The following ATF7IP variants were observed in gnomAD, a reference collection of about 807,000 sequenced individuals.
The protein encoded by ATF7IP is activating transcription factor 7 interacting protein.
ATF7IP carries 23 observed loss-of-function variants against 106.4 expected under a neutral mutation model. The ratio of observed to expected loss-of-function variants is 0.22; its 90% CI spans 0.16 to 0.31. The LOEUF is 0.31. Among genes scored for constraint, ATF7IP ranks in the 10% least tolerant of loss-of-function variants. The pLI is 1.00. For missense variants in ATF7IP, 1,334 were observed against 1,524.3 expected, an observed-to-expected ratio of 0.88 and a Z score of 2.08; for synonymous variants, 542 against 539.0, an observed-to-expected ratio of 1.01 and a Z score of -0.08.
chr12:14,468,477 T>TA (rs1172444955), intron 10 of ATF7IP, among the ~76,000 whole-genome samples: 2 of 92,732 alleles, frequency 2.2e-5, no homozygotes, highest in South Asian at 4.4e-4. Context: ...TCCGTCTCTA[T>TA]AAAAAAGAAG....
Position 14,478,249 on chromosome 12 carries a change from A to T in ATF7IP, c.2942-68A>T, listed in dbSNP as rs2302887. ...TGGCAAGCAAAAGTAAAATTTGTCC[A>T]TAGAGGAAAGACTTGTATTTCCTGA... On this transcript the variant is annotated intron_variant, in intron 11 of 14. Transcript: ENST00000261168. 4.7e-6 allele frequency: 7 copies of T among 1,505,198 alleles called. No individual in the cohort carries two copies. The South Asian group carries it at 5.8e-5, about 13-fold the overall frequency. 93.2% of individuals were successfully genotyped at this position (1,505,198 alleles called of 1,614,324 possible).
intron 10 of ATF7IP, among the ~76,000 whole-genome samples, chr12:14,473,288 C>CTATGTGTGTG: frequency 7.1e-6 from 1 of 140,434 alleles, no homozygotes; most frequent in African/African-American, 2.6e-5. Flanking sequence ...CTCTCTCTCT[C>CTATGTGTGTG]TCTGTGTGTG....
At chr12:14,485,464 G>A (rs1314682193) in intron 13 of ATF7IP, among the ~76,000 whole-genome samples, 2 of 152,110 alleles carry the variant, frequency 1.3e-5, no homozygotes, top group Non-Finnish European at 2.9e-5. Flanking sequence ...GCACACAAAT[G>A]TCTCATCAGT....
At chr12:14,439,840 A>AATCCATCCATCCATCCATCC (rs34509750) in intron 5 of ATF7IP, among the ~76,000 whole-genome samples, 2 of 148,490 alleles carry the variant, frequency 1.3e-5, no homozygotes, top group Admixed American at 6.8e-5. Flanking sequence ...CTCCAAAATA[A>AATCCATCCATCCATCCATCC]ATCCATCCAT....
chr12:14,438,850 C>T (rs572783843), intron 5 of ATF7IP, among the ~76,000 whole-genome samples: 24 of 152,228 alleles, frequency 1.6e-4, no homozygotes, highest in East Asian at 5.8e-4. Context: ...CAAACCATAA[C>T]GGAGACTCAG....
At chr12:14,373,919 A>G (rs1938624942) in intron 1 of ATF7IP, among the ~76,000 whole-genome samples, 1 of 152,066 alleles carries the variant, frequency 6.6e-6, no homozygotes, top group Non-Finnish European at 1.5e-5. Flanking sequence ...CAAATTTTTA[A>G]AACTCAGTGT....
At chr12:14,485,756 G>A (rs944205452) in intron 13 of ATF7IP, among the ~76,000 whole-genome samples, 1 of 152,228 alleles carries the variant, frequency 6.6e-6, no homozygotes, top group Non-Finnish European at 1.5e-5. Context: ...GGTACTAGGA[G>A]ATGTGTTAAT....
chr12:14,385,263 A>G (rs1939165710), intron 1 of ATF7IP: 3 of 780,220 alleles, frequency 3.8e-6, no homozygotes, highest in South Asian at 3.8e-5. Context: ...TTGAGTGCAC[A>G]TTGCAGCCAT....
chr12:14,447,588 T>C (rs1364663575), intron 6 of ATF7IP, among the ~76,000 whole-genome samples: 2 of 152,136 alleles, frequency 1.3e-5, no homozygotes, highest in Non-Finnish European at 2.9e-5. Context: ...GCCCCTTAGG[T>C]TATGCAATTC....
chr12:14,491,214 TG>T (rs1464347182), intron 13 of ATF7IP, among the ~76,000 whole-genome samples: 1 of 152,140 alleles, frequency 6.6e-6, no homozygotes, highest in Non-Finnish European at 1.5e-5. Flanking sequence ...CACTCAAAAC[TG>T]GCAGCCTTTC....
intron 1 of ATF7IP, chr12:14,417,066 A>G (rs1941245494): frequency 2.5e-6 from 1 of 403,392 alleles, no homozygotes; most frequent in Non-Finnish European, 3.4e-6. Context: ...AAATTCTGAT[A>G]ACAAATTTTC....
At chr12:14,459,282 G>C (rs557963149) in intron 8 of ATF7IP, among the ~76,000 whole-genome samples, 2 of 152,284 alleles carry the variant, frequency 1.3e-5, no homozygotes, top group East Asian at 3.9e-4. Flanking sequence ...AATTGCACAA[G>C]CATTTTTCCT....
At chr12:14,493,462 G>A (rs1221095117) in intron 13 of ATF7IP, among the ~76,000 whole-genome samples, 3 of 152,130 alleles carry the variant, frequency 2.0e-5, no homozygotes, top group Non-Finnish European at 4.4e-5. Context: ...ACTGCCTCAG[G>A]GGAAGCCATC....
At chr12:14,470,872 A>G (rs1361238947) in intron 10 of ATF7IP, among the ~76,000 whole-genome samples, 1 of 152,236 alleles carries the variant, frequency 6.6e-6, no homozygotes, top group East Asian at 1.9e-4. Context: ...GTTTATGATC[A>G]ATAAAAATCA....
In ATF7IP at chr12:14,423,887, CTCTT is replaced by C. The variant is rs748141777; in HGVS notation, c.-7-18_-7-15del. The C allele has an allele frequency of 6.8e-5, 106 of 1,547,552 alleles. 1 individual carries two copies. The South Asian group carries it at 9.6e-4, about 14-fold the overall frequency. The stretch of plus-strand genomic sequence containing the variant: ...TGGCTTCTGTTTCAGTTATTAAACT[CTCTT>C]TCTCTTTTTTCTTAAAGATTCAGAA... On this transcript the variant is annotated intron_variant, in intron 1 of 14. Transcript: ENST00000261168.
chr12:14,463,474 A>G (rs916738961), intron 9 of ATF7IP, among the ~76,000 whole-genome samples: 1 of 152,202 alleles, frequency 6.6e-6, no homozygotes, highest in African/African-American at 2.4e-5. Flanking sequence ...GATCTCACCA[A>G]GCTTACAATC....
At chr12:14,462,053 G>C (rs1290844498) in intron 9 of ATF7IP, among the ~76,000 whole-genome samples, 1 of 152,088 alleles carries the variant, frequency 6.6e-6, no homozygotes, top group Non-Finnish European at 1.5e-5. Flanking sequence ...ATAAAACAAT[G>C]ACGGTATTTC....
At chr12:14,384,879 A>AT (rs1939148443) in intron 1 of ATF7IP, among the ~76,000 whole-genome samples, 1 of 151,638 alleles carries the variant, frequency 6.6e-6, no homozygotes, top group Non-Finnish European at 1.5e-5. Context: ...AGGTAAAAAA[A>AT]AAAAAAAGGC....
intron 8 of ATF7IP, 88 bp downstream of exon 8, chr12:14,457,383 G>A (rs1419389312): frequency 9.8e-7 from 1 of 1,018,988 alleles, no homozygotes; most frequent in Non-Finnish European, 1.4e-6. Context: ...AGGTTGAAAT[G>A]GATTAAGAAA....
Sources: gnomAD v4.1 joint callset for allele counts (sites outside exome capture counted in the v4.1 genomes callset) on GRCh38, gnomAD v4.1.1 for gene constraint, MANE v1.5 for transcripts, NCBI Gene and HGNC (gene_info 2026-07-23, HGNC 2026-07-21) for gene names.